Variants in ROBO2 observed in about 807,000 individuals in gnomAD.
The protein encoded by ROBO2 is roundabout homolog 2.
A neutral mutation model predicts 160.8 loss-of-function variants in ROBO2; 53 were observed. The ratio of observed to expected loss-of-function variants is 0.33; its 90% CI spans 0.26 to 0.41. The LOEUF is 0.41. Among genes scored for constraint, ROBO2 ranks in the 10% least tolerant of loss-of-function variants. ROBO2 has a pLI of 1.00. For synonymous variants in ROBO2, 664 were observed against 611.7 expected, an observed-to-expected ratio of 1.09 and a Z score of -1.26; for missense variants, 1,577 against 1,722.4, an observed-to-expected ratio of 0.92 and a Z score of 1.49.
At chr3:76,678,468 C>T (rs1394757399) in intron 2 of ROBO2, among the ~76,000 whole-genome samples, 3 of 152,036 alleles carry the variant, frequency 2.0e-5, no homozygotes, top group African/African-American at 7.2e-5. Context: ...TGGAGATCCA[C>T]TGATGATCAG....
At chr3:76,763,225 C>T (rs2061400743) in intron 2 of ROBO2, among the ~76,000 whole-genome samples, 1 of 151,682 alleles carries the variant, frequency 6.6e-6, no homozygotes, top group Non-Finnish European at 1.5e-5. Flanking sequence ...ACAAAGTAGA[C>T]AAGTTGAAAG....
At chr3:76,738,426 G>A (rs964726491) in intron 2 of ROBO2, among the ~76,000 whole-genome samples, 5 of 152,164 alleles carry the variant, frequency 3.3e-5, no homozygotes, top group Non-Finnish European at 5.9e-5. Context: ...TCTGAGCACC[G>A]TAGGATGCTG....
At chr3:77,229,075 T>G (rs1049219387) in intron 2 of ROBO2, among the ~76,000 whole-genome samples, 1 of 152,196 alleles carries the variant, frequency 6.6e-6, no homozygotes, top group African/African-American at 2.4e-5. Flanking sequence ...AGAACTGCTT[T>G]TAATTTCTAA....
intron 2 of ROBO2, among the ~76,000 whole-genome samples, chr3:76,673,046 G>C (rs373077730): frequency 1.3e-5 from 2 of 152,054 alleles, no homozygotes; most frequent in South Asian, 2.1e-4. Flanking sequence ...AAGCAGTAAT[G>C]GTGGGGAAAT....
At chr3:75,966,763 A>G (rs535519981) in intron 2 of ROBO2, among the ~76,000 whole-genome samples, 8 of 151,762 alleles carry the variant, frequency 5.3e-5, no homozygotes, top group South Asian at 4.1e-4. Flanking sequence ...TCACTTTTCT[A>G]TTCCCCCAAA....
chr3:76,414,333 A>C (rs2075647403), intron 2 of ROBO2, among the ~76,000 whole-genome samples: 1 of 152,136 alleles, frequency 6.6e-6, no homozygotes, highest in East Asian at 1.9e-4. Context: ...CTCTATTTTC[A>C]AATTGTATGT....
At chr3:76,293,352 C>A (rs980834523) in intron 2 of ROBO2, among the ~76,000 whole-genome samples, 18 of 152,134 alleles carry the variant, frequency 1.2e-4, no homozygotes, top group Non-Finnish European at 2.6e-4. Context: ...GAGGCACAGG[C>A]AGGGGGCCTT....
intron 2 of ROBO2, among the ~76,000 whole-genome samples, chr3:77,436,226 T>A (rs191855950): frequency 5.3e-5 from 8 of 151,724 alleles, no homozygotes; most frequent in African/African-American, 1.9e-4. Context: ...GAAGAAATGT[T>A]TTCTGGCATA....
intron 2 of ROBO2, among the ~76,000 whole-genome samples, chr3:76,953,188 C>G (rs541199184): frequency 2.0e-5 from 3 of 152,262 alleles, no homozygotes; most frequent in South Asian, 4.1e-4. Context: ...CTATCTGCTG[C>G]TAGTGAACAC....
chr3:76,250,876 A>T (rs1705949025), intron 2 of ROBO2, among the ~76,000 whole-genome samples: 1 of 152,044 alleles, frequency 6.6e-6, no homozygotes, highest in African/African-American at 2.4e-5. Flanking sequence ...ATTGCATGTT[A>T]TTTTCAAAAC....
intron 2 of ROBO2, among the ~76,000 whole-genome samples, chr3:76,729,641 T>TC (rs1560457530): frequency 1.4e-3 from 82 of 56,848 alleles, no homozygotes; most frequent in African/African-American, 0.011. Context: ...CTCTCTCTCT[T>TC]TTTTTTTTTT....
intron 2 of ROBO2, among the ~76,000 whole-genome samples, chr3:76,818,748 T>C (rs1232858183): frequency 6.6e-6 from 1 of 152,138 alleles, no homozygotes; most frequent in Non-Finnish European, 1.5e-5. Flanking sequence ...GTTTGCTTTG[T>C]GAAAGATCAG....
intron 2 of ROBO2, among the ~76,000 whole-genome samples, chr3:76,038,771 T>C (rs1576591829): frequency 3.2e-5 from 1 of 31,420 alleles, no homozygotes; most frequent in Admixed American, 2.7e-4. Context: ...AAACTGCGTG[T>C]GTGTGTGTGT....
At chr3:76,879,516 A>G (rs1041756240) in intron 2 of ROBO2, among the ~76,000 whole-genome samples, 3 of 152,152 alleles carry the variant, frequency 2.0e-5, no homozygotes, top group Non-Finnish European at 4.4e-5. Context: ...TCAAATTTAA[A>G]CATCAATCGA....
intron 2 of ROBO2, among the ~76,000 whole-genome samples, chr3:76,328,328 T>C (rs529669338): frequency 6.6e-6 from 1 of 152,266 alleles, no homozygotes; most frequent in South Asian, 2.1e-4. Context: ...TTCCCAAAAG[T>C]ATTCATTGTG....
chr3:77,262,494 T>G (rs1018949749), intron 2 of ROBO2, among the ~76,000 whole-genome samples: 5 of 152,094 alleles, frequency 3.3e-5, no homozygotes, highest in Non-Finnish European at 2.9e-5. Flanking sequence ...ATAAGTGTCT[T>G]TGGATGGGCC....
intron 2 of ROBO2, among the ~76,000 whole-genome samples, chr3:76,402,293 A>G (rs1159207149): frequency 2.0e-5 from 3 of 151,560 alleles, no homozygotes; most frequent in African/African-American, 2.4e-5. Context: ...CTGGGTTGCC[A>G]TATGTTGATC....
chr3:76,092,080 C>A (rs1303883383), intron 2 of ROBO2, among the ~76,000 whole-genome samples: 1 of 151,974 alleles, frequency 6.6e-6, no homozygotes, highest in Non-Finnish European at 1.5e-5. Flanking sequence ...TGAGTGATAA[C>A]AATGTGTCAG....
intron 2 of ROBO2, among the ~76,000 whole-genome samples, chr3:76,957,935 G>T (rs148927076): frequency 0.014 from 2,108 of 152,184 alleles, 36 homozygotes; most frequent in African/African-American, 0.048. Flanking sequence ...GACTATTTGC[G>T]TGAAAGTTCT....
Sources: allele counts gnomAD v4.1 joint callset (sites outside exome capture counted in the v4.1 genomes callset), GRCh38; gene constraint gnomAD v4.1.1; transcripts MANE v1.5; gene names NCBI Gene and HGNC (gene_info 2026-07-23, HGNC 2026-07-21).